Variants in NBAS observed in about 807,000 individuals in gnomAD.
NBAS encodes NAG/BC035112 fusion.
Under a neutral mutation model 302.5 loss-of-function variants are expected in NBAS, and 219 were observed. The observed-to-expected ratio is 0.72, with a 90% CI of 0.65 to 0.81. The LOEUF (loss-of-function observed/expected upper bound fraction) is 0.81, where lower values mean the gene tolerates loss of function less well. Among genes scored for constraint, NBAS ranks in the 30% least tolerant of loss-of-function variants. NBAS has a pLI of 0.00. For synonymous variants in NBAS, 1,118 were observed against 1,021.6 expected (o/e 1.09, Z -1.80); for missense variants, 2,932 against 2,841.6 (o/e 1.03, Z -0.72).
the NBAS span, among the ~76,000 whole-genome samples, chr2:15,006,108 A>G: frequency 6.6e-6 from 1 of 152,356 alleles, no homozygotes; most frequent in African/African-American, 2.4e-5. Flanking sequence ...ATAAGTTTAC[A>G]TGAATTGAAC....
At chr2:15,365,189 C>T (rs2148336165) in intron 32 of NBAS, among the ~76,000 whole-genome samples, 1 of 152,352 alleles carries the variant, frequency 6.6e-6, no homozygotes, top group Middle Eastern at 3.4e-3. Context: ...ATATTACTTT[C>T]TCTCTTCCCA....
the NBAS span, among the ~76,000 whole-genome samples, chr2:15,160,223 G>A: frequency 1.3e-5 from 2 of 152,084 alleles, no homozygotes; most frequent in Admixed American, 1.3e-4. Flanking sequence ...AGGAGACCAG[G>A]TAGAAAATGC....
chr2:15,246,049 G>A (rs1668082421), intron 44 of NBAS, among the ~76,000 whole-genome samples: 1 of 152,198 alleles, frequency 6.6e-6, no homozygotes, highest in Admixed American at 6.5e-5. Flanking sequence ...GGCCTGGAAT[G>A]CCAGGCTAGA....
At chr2:14,828,847 T>A in the NBAS span, among the ~76,000 whole-genome samples, 1 of 152,158 alleles carries the variant, frequency 6.6e-6, no homozygotes, top group Non-Finnish European at 1.5e-5. Context: ...TCATAGGTGT[T>A]GGGGTTGAAA....
rs1306778824 is a variant in NBAS at position 15,561,305 on chromosome 2, G to C, written c.-1C>G. 9.3e-6 allele frequency: 15 copies of C among 1,612,182 alleles called. No individual in the cohort carries two copies. Among genetic ancestry groups the C allele is most frequent in the African/African-American group, 2.7e-5 (2 of 74,900 alleles). On this transcript the variant is annotated 5_prime_UTR_variant, in exon 1 of 52. Coordinates refer to ENST00000281513, the MANE Select transcript of NBAS (RefSeq NM_015909.4). ...CCGGCCCTGACTCGGGGGCCGCCAT[G>C]TTCGCCGAGGACTCAGGCAGCGGAG... is the stretch of plus-strand genomic sequence containing the variant.
intron 48 of NBAS, among the ~76,000 whole-genome samples, chr2:15,212,310 C>T (rs1666449098): frequency 6.6e-6 from 1 of 152,202 alleles, no homozygotes; most frequent in African/African-American, 2.4e-5. Flanking sequence ...CATGTTGCTT[C>T]TCGGGCCACA....
At chr2:15,468,996 A>G (rs1679843295) in intron 16 of NBAS, among the ~76,000 whole-genome samples, 1 of 152,186 alleles carries the variant, frequency 6.6e-6, no homozygotes, top group African/African-American at 2.4e-5. Flanking sequence ...CAGGGTGTGA[A>G]TAACTTGATC....
the NBAS span, among the ~76,000 whole-genome samples, chr2:14,915,815 C>T: frequency 6.6e-6 from 1 of 152,246 alleles, no homozygotes; most frequent in Non-Finnish European, 1.5e-5. Context: ...CCATCTCAGC[C>T]TCCCAAAGTG....
In NBAS at chr2:15,531,323, G is replaced by A. The variant is rs1663204761; in HGVS notation, c.746+3220C>T. On this transcript the variant is annotated intron_variant, in intron 9 of 51. Transcript: ENST00000281513. ...TTCCAAGACAATAGCTATATGGCAG[G>A]TGTCAAATCCAAACTGGAGTAGATC... 2.0e-5 allele frequency among the ~76,000 whole-genome samples: 3 copies of A among 152,114 alleles called. No homozygotes were observed. The South Asian group carries it at 6.2e-4, about 32-fold the overall frequency.
the NBAS span, among the ~76,000 whole-genome samples, chr2:14,859,632 A>T: frequency 6.6e-6 from 1 of 152,168 alleles, no homozygotes; most frequent in Non-Finnish European, 1.5e-5. Flanking sequence ...GGATATTCAT[A>T]TGCAAAAGAA....
At chr2:15,011,897 C>T in the NBAS span, among the ~76,000 whole-genome samples, 1 of 152,174 alleles carries the variant, frequency 6.6e-6, no homozygotes, top group Non-Finnish European at 1.5e-5. Context: ...ACCAACACCC[C>T]AAGATCCATC....
At chr2:15,188,373 T>C (rs2125135751) in intron 49 of NBAS, among the ~76,000 whole-genome samples, 1 of 152,334 alleles carries the variant, frequency 6.6e-6, no homozygotes, top group South Asian at 2.1e-4. Context: ...CCCCCACTCC[T>C]TTTTTGGTGA....
chr2:14,969,996 T>C, the NBAS span, among the ~76,000 whole-genome samples: 5 of 152,104 alleles, frequency 3.3e-5, no homozygotes, highest in African/African-American at 9.7e-5. Flanking sequence ...AACTTAAACT[T>C]TTAGAAATAA....
intron 16 of NBAS, among the ~76,000 whole-genome samples, chr2:15,471,942 T>C (rs909635094): frequency 2.0e-5 from 3 of 152,196 alleles, no homozygotes; most frequent in African/African-American, 7.2e-5. Flanking sequence ...TGAAACCACA[T>C]AGTCTGATAT....
At chr2:15,525,449 G>C (rs1472274222) in intron 9 of NBAS, among the ~76,000 whole-genome samples, 1 of 151,972 alleles carries the variant, frequency 6.6e-6, no homozygotes, top group Non-Finnish European at 1.5e-5. Context: ...CAGAATTCAG[G>C]GTTCCTGTCT....
intron 48 of NBAS, among the ~76,000 whole-genome samples, chr2:15,215,892 T>G (rs1473945148): frequency 6.6e-6 from 1 of 152,146 alleles, no homozygotes; most frequent in Non-Finnish European, 1.5e-5. Context: ...ACTACTCTAG[T>G]GAAAGGTAAG....
In NBAS at chr2:15,186,733, T is replaced by C. The variant is rs1221614255; in HGVS notation, c.6711+9A>G. On this transcript the variant is annotated intron_variant, in intron 50 of 51. Transcript: ENST00000281513. ...ACTCCTTAGGAAAGCACTCAAAATATCCACTCACCTCTGCAGGCAGCATCT... is the reference window on the plus strand; with the variant it reads ...ACTCCTTAGGAAAGCACTCAAAATACCCACTCACCTCTGCAGGCAGCATCT... 25 of 1,613,608 alleles carry C rather than the reference T, an allele frequency of 1.5e-5. No individual in the cohort carries two copies. The highest frequency in any genetic ancestry group is 2.0e-5 in the Non-Finnish European group (24 of 1,179,890).
chr2:15,516,565 T>TA (rs1369655370), intron 9 of NBAS, among the ~76,000 whole-genome samples: 1 of 151,852 alleles, frequency 6.6e-6, no homozygotes, highest in Non-Finnish European at 1.5e-5. Flanking sequence ...TCTACTAAAA[T>TA]ACAAAAAATT....
At chr2:15,320,556 G>C (rs758218149) in intron 38 of NBAS, among the ~76,000 whole-genome samples, 5 of 152,210 alleles carry the variant, frequency 3.3e-5, no homozygotes, top group African/African-American at 4.8e-5. Flanking sequence ...AAAGTCTCAG[G>C]ATACAAAATC....
Sources: gnomAD v4.1 joint callset for allele counts (sites outside exome capture counted in the v4.1 genomes callset) on GRCh38, gnomAD v4.1.1 for gene constraint, MANE v1.5 for transcripts, NCBI Gene and HGNC (gene_info 2026-07-23, HGNC 2026-07-21) for gene names.